Variants in RELN observed in about 807,000 individuals in gnomAD.
RELN encodes reelin.
RELN carries 108 observed loss-of-function variants against 427.6 expected under a neutral mutation model. That is an observed-to-expected ratio of 0.25 (90% confidence interval 0.22 to 0.30). The LOEUF is 0.30. RELN is among the 10% of genes least tolerant of loss of function. RELN has a pLI of 1.00. For synonymous variants in RELN, 1,524 were observed against 1,513.4 expected, an observed-to-expected ratio of 1.01 and a Z score of -0.16; for missense variants, 3,715 against 4,302.8, an observed-to-expected ratio of 0.86 and a Z score of 3.82.
At chr7:103,743,024 T>A (rs1004071427) in intron 6 of RELN, among the ~76,000 whole-genome samples, 5 of 150,230 alleles carry the variant, frequency 3.3e-5, no homozygotes, top group Non-Finnish European at 4.4e-5. Flanking sequence ...AAGGTCGGGT[T>A]ACCCACAAAG....
At position 103,603,276 on chromosome 7, in the gene RELN, G is replaced by A. The variant is rs750969725; in HGVS notation, c.3333+28C>T. 6.3e-6 allele frequency: 10 copies of A among 1,583,386 alleles called. No homozygotes were observed. Among genetic ancestry groups the A allele is most frequent in the African/African-American group, 4.0e-5 (3 of 74,270 alleles). On this transcript the variant is annotated intron_variant, in intron 24 of 64. Transcript: ENST00000428762. The surrounding 1 kb of genome is among the most constrained non-coding windows in gnomAD (Gnocchi z 4.3). ...CTCATATTAAACTAGCCATTGCCCCGATGACTTATCCCAGCTGTTGGTCAT... is the reference window on the plus strand; with the variant it reads ...CTCATATTAAACTAGCCATTGCCCCAATGACTTATCCCAGCTGTTGGTCAT...
intron 2 of RELN, among the ~76,000 whole-genome samples, chr7:103,889,158 C>G (rs1445916424): frequency 2.0e-5 from 3 of 152,214 alleles, no homozygotes; most frequent in Non-Finnish European, 4.4e-5. Context: ...CATCTTTTAA[C>G]TATTCTAAAC....
intron 10 of RELN, among the ~76,000 whole-genome samples, chr7:103,693,692 A>G (rs1833919445): frequency 6.6e-6 from 1 of 152,154 alleles, no homozygotes; most frequent in Non-Finnish European, 1.5e-5. Flanking sequence ...GAAGTCATCA[A>G]AGGTCTTAAG....
intron 57 of RELN, among the ~76,000 whole-genome samples, chr7:103,493,688 C>A (rs77706718): frequency 0.013 from 2,051 of 152,024 alleles, 52 homozygotes; most frequent in African/African-American, 0.048. Context: ...AAGAAGATAA[C>A]AGATATCAAA....
chr7:103,745,919 TA>T (rs1207422224), intron 6 of RELN, among the ~76,000 whole-genome samples: 1 of 152,180 alleles, frequency 6.6e-6, no homozygotes, highest in Non-Finnish European at 1.5e-5. Context: ...AACACTACTT[TA>T]AAGTTCATAT....
intron 6 of RELN, among the ~76,000 whole-genome samples, chr7:103,747,426 A>T (rs1369696651): frequency 3.1e-5 from 1 of 32,216 alleles, no homozygotes; most frequent in Non-Finnish European, 7.0e-5. Flanking sequence ...TAATAAAATT[A>T]AAAAAATAAA....
In RELN at chr7:103,483,676, C is replaced by A; in HGVS notation, c.10158G>T (p.Gln3386His). The A allele has an allele frequency of 6.2e-7, 1 of 1,614,184 alleles. No individual in the cohort carries two copies. ...QHQPKDFTQAQRVSYNVPLEA... is the reference protein window; with the variant it reads ...QHQPKDFTQAHRVSYNVPLEA... ...ACAGGGGGACATTGTAAGACACTCT[C>A]TGAGCTTGTGTGAAGTCCTTTGGCT... The change falls in exon 62 of 65, where the codon CAG becomes CAT. Residue 3386 changes from glutamine (Q) to histidine (H), a missense_variant. By Grantham distance (24) the Gln-to-His change is conservative. Around this residue, in one of 4 missense-constraint regions of RELN, gnomAD observed 195 missense variants for 281.3 expected, o/e 0.69. Transcript: ENST00000428762.
At chr7:103,771,848 C>G (rs1336336912) in intron 4 of RELN, among the ~76,000 whole-genome samples, 1 of 152,176 alleles carries the variant, frequency 6.6e-6, no homozygotes, top group African/African-American at 2.4e-5. Flanking sequence ...GCATTTATTT[C>G]TCATTTCACA....
At chr7:103,476,683 C>T (rs763757481) in intron 64 of RELN, 29 of 336,440 alleles carry the variant, frequency 8.6e-5, no homozygotes, top group Middle Eastern at 4.1e-4. Flanking sequence ...TCTAAGACCA[C>T]TTAATAAATT....
In RELN at chr7:103,917,105, T is replaced by C. The variant is rs749901976; in HGVS notation, c.307A>G (p.Ser103Gly). Residue 103 changes from serine to glycine, a missense_variant, in exon 2 of 65, where the codon AGC becomes GGC. Around this residue, in one of 4 missense-constraint regions of RELN, gnomAD observed 2,208 missense variants for 2,361.7 expected, o/e 0.93. Transcript: ENST00000428762. The stretch of plus-strand genomic sequence containing the variant: ...CCGAAAGCACTGGAACCTCCAATGC[T>C]CTGTGATGCCTGAACACTTGTAGAT... ...YTSTSVQASQ[S>G]IGGSSAFGFG... 1 of 1,613,704 alleles carries C rather than the reference T, an allele frequency of 6.2e-7. No individual in the cohort carries two copies.
At chr7:103,930,866 A>ATGTGTG (rs1491342869) in intron 1 of RELN, among the ~76,000 whole-genome samples, 6 of 87,648 alleles carry the variant, frequency 6.8e-5, no homozygotes, top group Admixed American at 6.8e-4. Context: ...GGGTGTGAGC[A>ATGTGTG]TATGTGTGTG....
chr7:103,741,939 T>C (rs529373912), intron 6 of RELN, among the ~76,000 whole-genome samples: 3 of 152,142 alleles, frequency 2.0e-5, no homozygotes, highest in Admixed American at 1.3e-4. Context: ...CGCACGCAGC[T>C]TGAGATCTGA....
At chr7:103,916,996 T>A (rs757728755) in intron 2 of RELN, 79 bp downstream of exon 2, 95 of 1,093,310 alleles carry the variant, frequency 8.7e-5, no homozygotes, top group Non-Finnish European at 1.3e-4. Flanking sequence ...TCTAACACTG[T>A]TAAAACAGAT....
At chr7:103,597,390 G>A (rs1831562781) in intron 24 of RELN, among the ~76,000 whole-genome samples, 1 of 152,144 alleles carries the variant, frequency 6.6e-6, no homozygotes, top group Non-Finnish European at 1.5e-5. Context: ...ATCACCTGAG[G>A]TCAGGAGTTT....
intron 6 of RELN, among the ~76,000 whole-genome samples, chr7:103,731,354 G>GA (rs1790348684): frequency 6.6e-6 from 1 of 152,108 alleles, no homozygotes; most frequent in African/African-American, 2.4e-5. Context: ...GGTCCATGCA[G>GA]AAAGGCAGCA....
intron 4 of RELN, among the ~76,000 whole-genome samples, chr7:103,773,150 TTCTTTCTTTCTTTC>T (rs1336835637): frequency 1.6e-4 from 23 of 139,962 alleles, no homozygotes; most frequent in African/African-American, 6.0e-4. Context: ...CTTTCTTTCT[TTCTTTCTTTCTTTC>T]TTTTTCTTTC....
At chr7:103,600,800 T>C (rs551181284) in intron 24 of RELN, among the ~76,000 whole-genome samples, 1 of 152,340 alleles carries the variant, frequency 6.6e-6, no homozygotes, top group East Asian at 1.9e-4. Flanking sequence ...TTTTAGTTAG[T>C]TGCAGGGCAT....
rs1413659775 is a variant in RELN at position 103,573,452 on chromosome 7, G to A, written c.4511+640C>T. Reference sequence around the variant, plus strand: ...TCTGAGAGAACAATGCAGATGGAAAGGGAAGGAAATTGAAGGAAGGAAAAA... The same window carrying A: ...TCTGAGAGAACAATGCAGATGGAAAAGGAAGGAAATTGAAGGAAGGAAAAA... On this transcript the variant is annotated intron_variant, in intron 30 of 64. Transcript: ENST00000428762. This position sits in a 1 kb window ranked among gnomAD's most constrained non-coding sequence, Gnocchi z 4.4. 6.6e-6 allele frequency among the ~76,000 whole-genome samples: 1 copy of A among 152,130 alleles called. No homozygotes were observed. Among genetic ancestry groups the A allele is most frequent in the Non-Finnish European group, 1.5e-5 (1 of 68,032 alleles).
intron 2 of RELN, among the ~76,000 whole-genome samples, chr7:103,907,415 G>A (rs1722788): frequency 0.77 from 33,968 of 44,004 alleles, 12,522 homozygotes; most frequent in Non-Finnish European, 0.79. Flanking sequence ...CAAGGCTCTG[G>A]AAAAAAAAAA....
Sources: gnomAD v4.1 joint callset for allele counts (sites outside exome capture counted in the v4.1 genomes callset) on GRCh38, gnomAD v4.1.1 for gene constraint, gnomAD v4.1.1 regional missense constraint, Gnocchi (gnomAD v3.1) non-coding constraint, MANE v1.5 for transcripts, NCBI Gene and HGNC (gene_info 2026-07-23, HGNC 2026-07-21) for gene names.